The following GRPEL1 variants were observed in gnomAD, a reference collection of about 807,000 sequenced individuals.
The protein encoded by GRPEL1 is GrpE like 1, mitochondrial.
In GRPEL1, 13 loss-of-function variants were observed where a neutral mutation model predicts 22.1. The ratio of observed to expected loss-of-function variants is 0.59; its 90% confidence interval spans 0.38 to 0.94. GRPEL1 has a LOEUF of 0.94. GRPEL1 is among the 40% of genes least tolerant of loss of function. The probability of loss-of-function intolerance (pLI) is 0.00; values close to 1 mark genes in which losing one functional copy is unlikely to be tolerated. For synonymous variants in GRPEL1, 109 were observed against 105.3 expected (o/e 1.03, Z -0.21); for missense variants, 289 against 264.6 (o/e 1.09, Z -0.64).
At position 7,060,134 on chromosome 4, in the gene GRPEL1, T is replaced by C. The variant is rs1724004310; in HGVS notation, c.*728A>G. 1 of 152,232 alleles carries C rather than the reference T, an allele frequency of 6.6e-6. No individual in the cohort carries two copies. The highest frequency in any genetic ancestry group is 2.4e-5 in the African/African-American group (1 of 41,456). 9.4% of individuals were successfully genotyped at this position (152,232 alleles called of 1,614,324 possible). A position where few individuals can be genotyped will look rare whatever the true frequency, so the allele number is the denominator to read the frequency against. ...ATTAACATTTAAAGTACACCAAGCG[T>C]GCAGTCCTATTTTGAGAAAGTCCAT... On this transcript the variant is annotated 3_prime_UTR_variant, in exon 4 of 4. Transcript: ENST00000264954.
chr4:7,061,031 T>A lies in GRPEL1; in HGVS notation c.485A>T (p.Lys162Met). 6.8e-6 allele frequency: 11 copies of A among 1,614,220 alleles called. No individual in the cohort carries two copies. The highest frequency in any genetic ancestry group is 9.3e-6 in the Non-Finnish European group (11 of 1,180,040). ...GAACTTGGCTCCGACAGGGTTCAAC[T>A]TGAGCAAGCCATGCTTTGTGAACAC... is the stretch of plus-strand genomic sequence containing the variant. Reference protein sequence around the residue: ...QKVFTKHGLLKLNPVGAKFDP... With the variant: ...QKVFTKHGLLMLNPVGAKFDP... Residue 162 changes from lysine to methionine, a missense_variant, in exon 4 of 4, where the codon AAG becomes ATG. By Grantham distance (95) the Lys-to-Met change is moderately conservative (BLOSUM62 -1). Coordinates refer to ENST00000264954, the MANE Select transcript of GRPEL1 (RefSeq NM_025196.4).
At position 7,062,427 on chromosome 4, in the gene GRPEL1, G is replaced by C. The variant is rs1044708234; in HGVS notation, c.265C>G (p.Arg89Gly). The C allele has an allele frequency of 2.5e-6, 4 of 1,596,412 alleles. No individual in the cohort carries two copies. Among genetic ancestry groups the C allele is most frequent in the Admixed American group, 3.4e-5 (2 of 59,426 alleles). Residue 89 changes from arginine (R) to glycine (G), a missense_variant, in exon 3 of 4, where the codon CGG becomes GGG. Physicochemically the swap from Arg to Gly is moderately radical, Grantham distance 125 (BLOSUM62 -2). Coordinates refer to ENST00000264954, the MANE Select transcript of GRPEL1 (RefSeq NM_025196.4). ...TCCACCAATTTCTGGCTCCTCTGCC[G>C]TAAGTTCTCAGTGTCTGCCAAAGCT... ...KRALADTENL[R>G]QRSQKLVEEA... is the part of the protein sequence containing the mutation.
At chr4:7,067,671 C>T (rs1009434552) in intron 1 of GRPEL1, 1 of 488,726 alleles carries the variant, frequency 2.0e-6, no homozygotes, top group Non-Finnish European at 3.6e-6. Context: ...CGCCGCAGGC[C>T]CTGGACCACA....
rs539544292 is a variant in GRPEL1, at chr4:7,060,531, C to G, written c.*331G>C. 6 of 288,762 alleles carry G rather than the reference C, an allele frequency of 2.1e-5. No homozygotes were observed. Among genetic ancestry groups the G allele is most frequent in the African/African-American group, 1.3e-4 (6 of 46,626 alleles). The allele number at this position is 288,762 out of a possible 1,614,324, so 17.9% of individuals were successfully genotyped here. A position where few individuals can be genotyped will look rare whatever the true frequency, so the allele number is the denominator to read the frequency against. ...TGCCCAGGTAGCCAAACAGAATTCC[C>G]CAAGACCTTTTATTTGTTTAAAATA... On this transcript the variant is annotated 3_prime_UTR_variant, in exon 4 of 4. Transcript: ENST00000264954.
At chr4:7,062,286 C>A in intron 3 of GRPEL1, 99 bp downstream of exon 3, 2 of 529,466 alleles carry the variant, frequency 3.8e-6, no homozygotes, top group South Asian at 2.6e-5. Flanking sequence ...ACCCCCCACC[C>A]CACAGCCTTG....
intron 1 of GRPEL1, among the ~76,000 whole-genome samples, chr4:7,066,864 T>C (rs978653957): frequency 1.3e-5 from 2 of 152,232 alleles, no homozygotes; most frequent in Non-Finnish European, 1.5e-5. Flanking sequence ...GTTGAGCATC[T>C]TTCCACAAAA....
At chr4:7,063,989 G>A (rs1724100442) in intron 2 of GRPEL1, 72 bp downstream of exon 2, 7 of 1,500,264 alleles carry the variant, frequency 4.7e-6, no homozygotes, top group African/African-American at 4.2e-5. Flanking sequence ...AATGAAACCT[G>A]GAACCTTTAT....
At chr4:7,063,377 C>T (rs114396268) in intron 2 of GRPEL1, among the ~76,000 whole-genome samples, 132 of 152,292 alleles carry the variant, frequency 8.7e-4, no homozygotes, top group African/African-American at 3.1e-3. Flanking sequence ...TAAGCCACTG[C>T]GCCCAGCTAG....
At chr4:7,064,313 C>G in intron 1 of GRPEL1, 90 bp from the exon 2 acceptor site, 3 of 1,344,898 alleles carry the variant, frequency 2.2e-6, no homozygotes, top group Non-Finnish European at 3.1e-6. Context: ...AAAATAGCTT[C>G]AAACTATTTA....
chr4:7,067,877 AGGCCGG>A, intron 1 of GRPEL1, 88 bp downstream of exon 1: 3 of 1,330,294 alleles, frequency 2.3e-6, no homozygotes, highest in Non-Finnish European at 3.2e-6. Context: ...TCCGGGGCCG[AGGCCGG>A]GAAGGAGGCC....
chr4:7,066,895 A>G (rs1483957386), intron 1 of GRPEL1, among the ~76,000 whole-genome samples: 1 of 152,246 alleles, frequency 6.6e-6, no homozygotes, highest in East Asian at 1.9e-4. Context: ...AGAGACAGAA[A>G]TGATGCTGAC....
At chr4:7,063,926 G>A in intron 2 of GRPEL1, 135 bp downstream of exon 2, 1 of 951,610 alleles carries the variant, frequency 1.1e-6, no homozygotes. Context: ...CTTGCCACCT[G>A]GGCCCACTGC....
chr4:7,061,255 A>G lies in GRPEL1; in HGVS notation c.308-47T>C, dbSNP rs748822956. 2.1e-5 allele frequency: 31 copies of G among 1,492,048 alleles called. No individual in the cohort carries two copies. The Middle Eastern group carries it at 5.3e-4, about 25-fold the overall frequency. 92.4% of individuals were successfully genotyped at this position (1,492,048 alleles called of 1,614,324 possible). On this transcript the variant is annotated intron_variant, in intron 3 of 3. Transcript: ENST00000264954. Reference sequence around the variant, plus strand: ...CATTTGCACTCCATACCAACCGCACAGGGCAATTCCAAACTGAGCACTGCT... The same window carrying G: ...CATTTGCACTCCATACCAACCGCACGGGGCAATTCCAAACTGAGCACTGCT...
intron 3 of GRPEL1, 27 bp from the exon 4 acceptor site, chr4:7,061,235 G>C: frequency 6.4e-7 from 1 of 1,571,762 alleles, no homozygotes; most frequent in Middle Eastern, 1.7e-4. Flanking sequence ...AAGATCATTT[G>C]CACTCCATAC....
rs1491566954 is a variant in GRPEL1, at chr4:7,065,853, CCT to C, written c.63-1632_63-1631del. Reference sequence around the variant, plus strand: ...AGATTTCTTCACCAGGACCAGAGGACCTCTTTTTTTTTTTTTTTGAGACGGAG... The same window carrying C: ...AGATTTCTTCACCAGGACCAGAGGACCTTTTTTTTTTTTTTTGAGACGGAG... On this transcript the variant is annotated intron_variant, in intron 1 of 3. Coordinates refer to ENST00000264954, the MANE Select transcript of GRPEL1 (RefSeq NM_025196.4). Among the ~76,000 whole-genome samples the C allele has an allele frequency of 1.2e-4, 14 of 115,170 alleles. No homozygotes were observed. The South Asian group carries it at 3.0e-3, about 25-fold the overall frequency. The allele number at this position is 115,170 out of a possible 152,430, so 75.6% of individuals were successfully genotyped here. A position where few individuals can be genotyped will look rare whatever the true frequency, so the allele number is the denominator to read the frequency against.
chr4:7,062,497 T>TATAG, intron 2 of GRPEL1, 31 bp from the exon 3 acceptor site: 3 of 48,250 alleles, frequency 6.2e-5, no homozygotes, highest in Non-Finnish European at 3.7e-5. Flanking sequence ...TATTTATATA[T>TATAG]ATATATATAT....
At chr4:7,066,655 G>A (rs1052175232) in intron 1 of GRPEL1, among the ~76,000 whole-genome samples, 1 of 152,200 alleles carries the variant, frequency 6.6e-6, no homozygotes, top group Non-Finnish European at 1.5e-5. Context: ...CTGCCTGGGG[G>A]TGTGACAGCC....
rs373588098 is a variant in GRPEL1 at position 7,060,751 on chromosome 4, T to C, written c.*111A>G. 2.0e-6 allele frequency: 2 copies of C among 1,002,584 alleles called. No homozygotes were observed. Among genetic ancestry groups the C allele is most frequent in the South Asian group, 1.6e-5 (1 of 63,668 alleles). The allele number at this position is 1,002,584 out of a possible 1,614,324, so 62.1% of individuals were successfully genotyped here. A position where few individuals can be genotyped will look rare whatever the true frequency, so the allele number is the denominator to read the frequency against. On this transcript the variant is annotated 3_prime_UTR_variant, in exon 4 of 4. Transcript: ENST00000264954. ...CTGTTTAGCCACTGGTTACTTAAGG[T>C]TTCCAATAAGGTTTGGGAAAAGGTC...
intron 1 of GRPEL1, 140 bp from the exon 2 acceptor site, chr4:7,064,363 A>C: frequency 1.3e-6 from 1 of 767,814 alleles, no homozygotes. Flanking sequence ...AGATCTAATA[A>C]AGGCACACTG....
Sources: gnomAD v4.1 joint callset for allele counts (sites outside exome capture counted in the v4.1 genomes callset) on GRCh38, gnomAD v4.1.1 for gene constraint, MANE v1.5 for transcripts, NCBI Gene and HGNC (gene_info 2026-07-23, HGNC 2026-07-21) for gene names.